Variants in ERC2 observed in about 807,000 individuals in gnomAD.
ERC2 encodes the protein ELKS/RAB6-interacting/CAST family member 2, also known as ERC protein 2.
In ERC2, 42 loss-of-function variants were observed where a neutral mutation model predicts 114.8. The ratio of observed to expected loss-of-function variants is 0.37; its 90% CI spans 0.29 to 0.47. ERC2 has a LOEUF of 0.47. Among genes scored for constraint, ERC2 ranks in the 20% least tolerant of loss-of-function variants. The probability of loss-of-function intolerance (pLI) is 0.99; values close to 1 mark genes in which losing one functional copy is unlikely to be tolerated. For missense variants in ERC2, 939 were observed against 1,150.7 expected (o/e 0.82, Z 2.66); for synonymous variants, 454 against 425.5 (o/e 1.07, Z -0.82).
At chr3:56,139,103 A>C (rs1401784708) in intron 6 of ERC2, among the ~76,000 whole-genome samples, 1 of 152,202 alleles carries the variant, frequency 6.6e-6, no homozygotes, top group Non-Finnish European at 1.5e-5. Context: ...AAATGAAACC[A>C]TTCTAGATCC....
intron 6 of ERC2, among the ~76,000 whole-genome samples, chr3:56,116,954 A>G (rs1349579696): frequency 1.3e-5 from 2 of 152,274 alleles, no homozygotes; most frequent in East Asian, 1.9e-4. Context: ...CCTGCATCCT[A>G]TTACTGAATG....
intron 2 of ERC2, among the ~76,000 whole-genome samples, chr3:56,303,861 T>A (rs2056057600): frequency 6.6e-6 from 1 of 152,156 alleles, no homozygotes; most frequent in South Asian, 2.1e-4. Context: ...GGGCAAGGAC[T>A]GGGAGAGGCG....
intron 17 of ERC2, among the ~76,000 whole-genome samples, chr3:55,675,488 T>C (rs1202497677): frequency 6.6e-6 from 1 of 152,208 alleles, no homozygotes; most frequent in African/African-American, 2.4e-5. Flanking sequence ...TTCTGATTGA[T>C]ACACCTAGTG....
chr3:56,055,515 T>C (rs1576735424), intron 7 of ERC2, among the ~76,000 whole-genome samples: 2 of 152,226 alleles, frequency 1.3e-5, no homozygotes, highest in African/African-American at 4.8e-5. Flanking sequence ...GGTTCTGATA[T>C]ACAACCTTAG....
At chr3:55,694,234 T>G (rs1359097498) in intron 16 of ERC2, among the ~76,000 whole-genome samples, 1 of 152,174 alleles carries the variant, frequency 6.6e-6, no homozygotes, top group Non-Finnish European at 1.5e-5. Context: ...ACTTTCAGTT[T>G]TGTGACTCTG....
intron 3 of ERC2, among the ~76,000 whole-genome samples, chr3:56,222,149 G>A (rs1299870740): frequency 6.6e-6 from 1 of 152,170 alleles, no homozygotes; most frequent in Admixed American, 6.6e-5. Flanking sequence ...TCCAGATACT[G>A]AAAATTACTG....
At chr3:55,607,322 A>C (rs552554144) in intron 17 of ERC2, among the ~76,000 whole-genome samples, 1 of 152,270 alleles carries the variant, frequency 6.6e-6, no homozygotes, top group Admixed American at 6.5e-5. Context: ...TCCTGGGAAG[A>C]AGTGACATGT....
intron 6 of ERC2, among the ~76,000 whole-genome samples, chr3:56,088,778 C>G (rs1341594275): frequency 1.3e-5 from 2 of 152,158 alleles, no homozygotes; most frequent in African/African-American, 4.8e-5. Context: ...AACAGTACGT[C>G]CTTCATTGAG....
chr3:55,903,910 C>T (rs1403529360), intron 13 of ERC2, among the ~76,000 whole-genome samples: 1 of 152,244 alleles, frequency 6.6e-6, no homozygotes, highest in East Asian at 1.9e-4. Context: ...CTCACACACA[C>T]ATCCACTCTT....
chr3:56,032,897 G>C (rs147615896), intron 7 of ERC2, among the ~76,000 whole-genome samples: 2,393 of 65,442 alleles, frequency 0.037, 37 homozygotes, highest in East Asian at 0.049. Context: ...GAGAGAGAGA[G>C]AGACAGAAAG....
At chr3:55,654,453 A>T (rs142215476) in intron 17 of ERC2, among the ~76,000 whole-genome samples, 1 of 152,358 alleles carries the variant, frequency 6.6e-6, no homozygotes, top group African/African-American at 2.4e-5. Flanking sequence ...TATGCTTTCC[A>T]TATAGGCCAA....
At chr3:55,751,855 T>C (rs1048020863) in intron 14 of ERC2, among the ~76,000 whole-genome samples, 1 of 152,158 alleles carries the variant, frequency 6.6e-6, no homozygotes, top group Non-Finnish European at 1.5e-5. Context: ...ACTAAACACA[T>C]GCTTTGGTTG....
intron 2 of ERC2, among the ~76,000 whole-genome samples, chr3:56,399,419 G>A (rs544595934): frequency 6.6e-6 from 1 of 152,174 alleles, no homozygotes; most frequent in African/African-American, 2.4e-5. Flanking sequence ...TCACTTCATA[G>A]TAGTTGATAA....
intron 12 of ERC2, among the ~76,000 whole-genome samples, chr3:55,965,217 T>C (rs2068662648): frequency 6.6e-6 from 1 of 152,160 alleles, no homozygotes. Flanking sequence ...CAGAATCCTG[T>C]CTCTCATATG....
intron 17 of ERC2, among the ~76,000 whole-genome samples, chr3:55,590,173 T>C (rs1447470898): frequency 6.6e-6 from 1 of 152,058 alleles, no homozygotes; most frequent in Non-Finnish European, 1.5e-5. Context: ...AAGCGAAATC[T>C]AAGTGAAGTA....
intron 17 of ERC2, among the ~76,000 whole-genome samples, chr3:55,682,570 C>T (rs2062110894): frequency 2.0e-5 from 3 of 152,234 alleles, no homozygotes; most frequent in Admixed American, 2.0e-4. Context: ...ACCCACAGGC[C>T]AAACGTACCA....
chr3:56,377,475 A>G (rs1389150592), intron 2 of ERC2, among the ~76,000 whole-genome samples: 4 of 152,258 alleles, frequency 2.6e-5, no homozygotes, highest in African/African-American at 4.8e-5. Context: ...AGACATTTAT[A>G]GTAGATTATC....
intron 14 of ERC2, among the ~76,000 whole-genome samples, chr3:55,790,785 C>T (rs1267456012): frequency 2.6e-5 from 4 of 152,218 alleles, no homozygotes; most frequent in African/African-American, 7.2e-5. Context: ...CCATGCCTAC[C>T]GTATGTCTGG....
intron 3 of ERC2, among the ~76,000 whole-genome samples, chr3:56,285,114 C>A (rs1355850292): frequency 6.8e-6 from 1 of 147,280 alleles, no homozygotes; most frequent in Non-Finnish European, 1.5e-5. Context: ...TCCCTACCTC[C>A]CCCCAGCACA....
Sources: gnomAD v4.1 joint callset for allele counts (sites outside exome capture counted in the v4.1 genomes callset) on GRCh38, gnomAD v4.1.1 for gene constraint, MANE v1.5 for transcripts, NCBI Gene and HGNC (gene_info 2026-07-23, HGNC 2026-07-21) for gene names.